TMEM131L: variants seen among roughly 807,000 people sequenced by gnomAD.
TMEM131L encodes the protein transmembrane 131 like.
Under a neutral mutation model 192.2 loss-of-function variants are expected in TMEM131L, and 54 were observed. The ratio of observed to expected loss-of-function variants is 0.28; its 90% CI spans 0.23 to 0.35. The LOEUF is 0.35. TMEM131L is among the 10% of genes least tolerant of loss of function. The pLI, the probability that TMEM131L is intolerant of heterozygous loss-of-function variation, is 1.00. For synonymous variants in TMEM131L, 701 were observed against 704.9 expected, an observed-to-expected ratio of 0.99 and a Z score of 0.09; for missense variants, 1,888 against 1,972.9, an observed-to-expected ratio of 0.96 and a Z score of 0.82.
intron 3 of TMEM131L, among the ~76,000 whole-genome samples, chr4:153,540,936 G>T (rs1736732431): frequency 6.6e-6 from 1 of 152,076 alleles, no homozygotes; most frequent in African/African-American, 2.4e-5. Context: ...TATAGTGTCT[G>T]GCAAACTCTG....
intron 7 of TMEM131L, among the ~76,000 whole-genome samples, chr4:153,572,949 AT>A (rs1305864253): frequency 6.6e-6 from 1 of 152,186 alleles, no homozygotes; most frequent in African/African-American, 2.4e-5. Context: ...TAGAAGTGGG[AT>A]TATACAGTAT....
At position 153,581,444 on chromosome 4, in the gene TMEM131L, A is replaced by G; in HGVS notation, c.776A>G (p.Gln259Arg). 6.3e-7 allele frequency: 1 copy of G among 1,588,956 alleles called. No homozygotes were observed. The highest frequency in any genetic ancestry group is 8.6e-7 in the Non-Finnish European group (1 of 1,166,144). The part of the protein sequence containing the change: ...YLESDDVLRL[Q>R]MSIMVTMENF... ...GAATCTGATGATGTTTTGCGTCTACAAATGAGCATAATGGTAACAATGGAA... is the reference window on the plus strand; with the variant it reads ...GAATCTGATGATGTTTTGCGTCTACGAATGAGCATAATGGTAACAATGGAA... Residue 259 changes from glutamine to arginine, a missense_variant, in exon 9 of 35, where the codon CAA (glutamine) becomes CGA (arginine). Gln to Arg is a conservative substitution (Grantham distance 43, BLOSUM62 1). Coordinates refer to ENST00000409959, the MANE Select transcript of TMEM131L (RefSeq NM_001131007.2).
intron 30 of TMEM131L, 54 bp downstream of exon 30, chr4:153,626,279 A>G (rs1467677478): frequency 9.0e-7 from 1 of 1,113,482 alleles, no homozygotes; most frequent in Non-Finnish European, 1.4e-6. Context: ...TGCTTTTTCT[A>G]CCAATTATTG....
At chr4:153,471,038 A>G (rs1731124176) in intron 2 of TMEM131L, among the ~76,000 whole-genome samples, 1 of 147,716 alleles carries the variant, frequency 6.8e-6, no homozygotes, top group African/African-American at 2.5e-5. Context: ...CCTAGGCTGG[A>G]GTGCAATGAT....
chr4:153,471,480 A>G (rs954559612), intron 2 of TMEM131L, among the ~76,000 whole-genome samples: 8 of 152,252 alleles, frequency 5.3e-5, no homozygotes, highest in East Asian at 1.9e-4. Flanking sequence ...GAGTTCCCCT[A>G]TTTATGAGGT....
At chr4:153,583,738 C>T (rs1730520063) in intron 11 of TMEM131L, 66 bp downstream of exon 11, 1 of 893,594 alleles carries the variant, frequency 1.1e-6, no homozygotes, top group African/African-American at 1.7e-5. Context: ...GCAACTCTTT[C>T]TACAACTACA....
In TMEM131L at chr4:153,467,170, CG is replaced by C. The variant is rs1186391034; in HGVS notation, c.125-40del. 2.6e-6 allele frequency: 4 copies of C among 1,536,630 alleles called. No individual in the cohort carries two copies. The African/African-American group carries it at 4.1e-5, about 16-fold the overall frequency. ...GGGGAAACAGGAAGCGTTTCTTTAGCGTGCATTAAAAACGTGGTGTATTTTT... is the reference window on the plus strand; with the variant it reads ...GGGGAAACAGGAAGCGTTTCTTTAGCTGCATTAAAAACGTGGTGTATTTTT... On this transcript the variant is annotated intron_variant, in intron 1 of 34. Transcript: ENST00000409959.
At chr4:153,479,553 T>C (rs1004091031) in intron 3 of TMEM131L, among the ~76,000 whole-genome samples, 2 of 152,236 alleles carry the variant, frequency 1.3e-5, no homozygotes, top group Admixed American at 6.5e-5. Context: ...AGTTTAAGCA[T>C]TGACAATGTA....
intron 18 of TMEM131L, among the ~76,000 whole-genome samples, chr4:153,593,536 C>T (rs373223351): frequency 7.2e-4 from 110 of 152,222 alleles, no homozygotes; most frequent in African/African-American, 2.5e-3. Flanking sequence ...TGCTTCCTTA[C>T]ATCCTGTGAT....
chr4:153,536,349 A>G (rs1015187147), intron 3 of TMEM131L, among the ~76,000 whole-genome samples: 4 of 152,236 alleles, frequency 2.6e-5, no homozygotes, highest in African/African-American at 4.8e-5. Context: ...ATTACAATTT[A>G]AAAGGAAAAC....
At chr4:153,630,301 C>A (rs553405796) in intron 31 of TMEM131L, among the ~76,000 whole-genome samples, 3 of 152,328 alleles carry the variant, frequency 2.0e-5, no homozygotes, top group Admixed American at 2.0e-4. Flanking sequence ...CAGGAGCCTA[C>A]GCAGCAGGAT....
Position 153,581,445 on chromosome 4 carries a change from A to G in TMEM131L, c.777A>G (p.Gln259=). Reference sequence around the variant, plus strand: ...AATCTGATGATGTTTTGCGTCTACAAATGAGCATAATGGTAACAATGGAAA... The same window carrying G: ...AATCTGATGATGTTTTGCGTCTACAGATGAGCATAATGGTAACAATGGAAA... The part of the protein sequence containing the change: ...YLESDDVLRL[Q]MSIMVTMENF... Residue 259 remains glutamine (Q), a synonymous_variant, in exon 9 of 35, where the codon CAA becomes CAG. Coordinates refer to ENST00000409959, the MANE Select transcript of TMEM131L (RefSeq NM_001131007.2). The G allele has an allele frequency of 6.3e-7, 1 of 1,589,178 alleles. No individual in the cohort carries two copies. Among genetic ancestry groups the G allele is most frequent in the Non-Finnish European group, 8.6e-7 (1 of 1,166,084 alleles).
intron 18 of TMEM131L, 136 bp from the exon 19 acceptor site, chr4:153,593,663 T>G: frequency 1.6e-6 from 1 of 623,012 alleles, no homozygotes; most frequent in Non-Finnish European, 3.0e-6. Flanking sequence ...GTGGACAGGA[T>G]GGGATGAATT....
intron 3 of TMEM131L, among the ~76,000 whole-genome samples, chr4:153,544,353 A>G (rs1737013228): frequency 6.6e-6 from 1 of 152,094 alleles, no homozygotes; most frequent in African/African-American, 2.4e-5. Context: ...AGCTGAGTAA[A>G]CCCTTAGGAA....
intron 3 of TMEM131L, among the ~76,000 whole-genome samples, chr4:153,484,023 C>G (rs752255965): frequency 6.6e-5 from 10 of 152,092 alleles, no homozygotes; most frequent in Non-Finnish European, 1.2e-4. Flanking sequence ...AAGAAGGTAG[C>G]AGAGCTTGGA....
chr4:153,485,526 A>G (rs17379636), intron 3 of TMEM131L, among the ~76,000 whole-genome samples: 74,948 of 151,976 alleles, frequency 0.49, 19,568 homozygotes, highest in African/African-American at 0.68. Flanking sequence ...CTGCCAAGTG[A>G]ACCATGTAAA....
At chr4:153,632,974 C>A in intron 32 of TMEM131L, 136 bp downstream of exon 32, 1 of 952,170 alleles carries the variant, frequency 1.1e-6, no homozygotes, top group Middle Eastern at 2.3e-4. Context: ...CTGTGCGTTT[C>A]CTTCTGCCTT....
intron 22 of TMEM131L, 40 bp downstream of exon 22, chr4:153,602,378 C>T (rs767119374): frequency 1.4e-5 from 22 of 1,587,586 alleles, no homozygotes; most frequent in East Asian, 2.2e-5. Flanking sequence ...TTTTGTGGTG[C>T]GTTTAACAAT....
At chr4:153,543,068 C>T (rs752107958) in intron 3 of TMEM131L, among the ~76,000 whole-genome samples, 6 of 152,150 alleles carry the variant, frequency 3.9e-5, no homozygotes, top group Non-Finnish European at 8.8e-5. Context: ...TGGTATCGCT[C>T]CAAGGACTTT....
Sources: allele counts gnomAD v4.1 joint callset (sites outside exome capture counted in the v4.1 genomes callset), GRCh38; gene constraint gnomAD v4.1.1; transcripts MANE v1.5; gene names NCBI Gene and HGNC (gene_info 2026-07-23, HGNC 2026-07-21).